The following WWP2 variants were observed in gnomAD, a reference collection of about 807,000 sequenced individuals.
WWP2 encodes WW domain containing E3 ubiquitin protein ligase 2.
A neutral mutation model predicts 121.0 loss-of-function variants in WWP2; 57 were observed. That is an observed-to-expected ratio of 0.47 (90% CI 0.38 to 0.59). WWP2 has a LOEUF of 0.59. Ranked by LOEUF, WWP2 falls within the 20% of genes least tolerant of loss-of-function variation. WWP2 has a pLI of 0.00. For missense variants in WWP2, 962 were observed against 1,158.9 expected (o/e 0.83, Z 2.47); for synonymous variants, 449 against 441.3 (o/e 1.02, Z -0.22).
chr16:69,883,983 A>C (rs1223140576), intron 7 of WWP2, among the ~76,000 whole-genome samples: 2 of 152,160 alleles, frequency 1.3e-5, no homozygotes, highest in Non-Finnish European at 2.9e-5. Flanking sequence ...GTTATATGTT[A>C]CTAAAACTTT....
At chr16:69,912,313 T>C (rs1282726722) in intron 9 of WWP2, among the ~76,000 whole-genome samples, 4 of 145,976 alleles carry the variant, frequency 2.7e-5, no homozygotes, top group South Asian at 2.2e-4. Flanking sequence ...AAACAAAACC[T>C]CATTGGTTTT....
intron 2 of WWP2, among the ~76,000 whole-genome samples, chr16:69,791,232 C>CT (rs1555546040): frequency 1.5e-3 from 222 of 145,316 alleles, no homozygotes; most frequent in Middle Eastern, 0.014. Context: ...TTTTTTCTTT[C>CT]TTTTTTTTTT....
chr16:69,832,543 A>C (rs1439560293), intron 4 of WWP2, among the ~76,000 whole-genome samples: 1 of 152,110 alleles, frequency 6.6e-6, no homozygotes, highest in Non-Finnish European at 1.5e-5. Context: ...ATTTTTAAAA[A>C]ATTTTTAATG....
intron 4 of WWP2, among the ~76,000 whole-genome samples, chr16:69,817,335 A>C (rs1160340798): frequency 6.6e-6 from 1 of 152,026 alleles, no homozygotes; most frequent in Non-Finnish European, 1.5e-5. Flanking sequence ...TGCAGCTTCA[A>C]CCTCCCAGGC....
At chr16:69,931,611 G>A (rs769827295) in intron 15 of WWP2, 31 bp downstream of exon 15, 19 of 1,613,572 alleles carry the variant, frequency 1.2e-5, no homozygotes, top group Non-Finnish European at 1.6e-5. Flanking sequence ...ACCAGTGGCA[G>A]GCCGACGCCC....
At chr16:69,804,053 T>G (rs1396298174) in intron 4 of WWP2, among the ~76,000 whole-genome samples, 1 of 152,050 alleles carries the variant, frequency 6.6e-6, no homozygotes, top group African/African-American at 2.4e-5. Flanking sequence ...TATATTGAAG[T>G]GTGCATTTTT....
Position 69,778,175 on chromosome 16 carries a change from T to TAA in WWP2, c.-15-8820_-15-8819insAA, listed in dbSNP as rs1194260823. On this transcript the variant is annotated intron_variant, in intron 1 of 23. Coordinates refer to ENST00000359154, the MANE Select transcript of WWP2 (RefSeq NM_001270454.2). ...CATACACACTCATACTATAAATAAA[T>TAA]ATATATATATATATATATTTTTTTT... Among the ~76,000 whole-genome samples, 15 of 99,488 alleles carry TAA rather than the reference T, an allele frequency of 1.5e-4. No individual in the cohort carries two copies. The East Asian group carries it at 4.1e-3, about 27-fold the overall frequency. 65.3% of individuals were successfully genotyped at this position (99,488 alleles called of 152,430 possible).
At chr16:69,909,123 T>C (rs2058344198) in intron 9 of WWP2, 1 of 1,132,416 alleles carries the variant, frequency 8.8e-7, no homozygotes, top group Non-Finnish European at 1.1e-6. Flanking sequence ...GCCCAGCCTG[T>C]CCCTAAAGGC....
intron 9 of WWP2, among the ~76,000 whole-genome samples, chr16:69,914,377 A>G (rs1344169433): frequency 6.6e-6 from 1 of 151,962 alleles, no homozygotes; most frequent in African/African-American, 2.4e-5. Flanking sequence ...TTCCAGAGGG[A>G]AAAAACAGAG....
At chr16:69,782,976 C>T (rs2055696187) in intron 1 of WWP2, 1 of 149,720 alleles carries the variant, frequency 6.7e-6, no homozygotes, top group Admixed American at 6.7e-5. Context: ...TCTCCTGTAA[C>T]TATATTTAAT....
chr16:69,779,489 G>A (rs1234834163), intron 1 of WWP2, among the ~76,000 whole-genome samples: 1 of 152,190 alleles, frequency 6.6e-6, no homozygotes, highest in African/African-American at 2.4e-5. Context: ...AGTTGCCTTT[G>A]TTCCTTCTGA....
In WWP2 at chr16:69,925,847, A is replaced by C; in HGVS notation, c.1234+363A>C. 4.9e-6 allele frequency: 1 copy of C among 205,382 alleles called. No individual in the cohort carries two copies. Among genetic ancestry groups the C allele is most frequent in the Non-Finnish European group, 9.7e-6 (1 of 103,348 alleles). The allele number at this position is 205,382 out of a possible 1,614,324, so 12.7% of individuals were successfully genotyped here. ...TATTTTGACACTGCCTAACTCCCAA[A>C]TGGATTTGTTTCAGATCTGTGACCG... On this transcript the variant is annotated intron_variant, in intron 11 of 23. Transcript: ENST00000359154. The surrounding 1 kb of genome is among the most constrained non-coding windows in gnomAD (Gnocchi z 4.0).
intron 21 of WWP2, 62 bp from the exon 22 acceptor site, chr16:69,938,965 G>T: frequency 4.7e-6 from 7 of 1,494,818 alleles, no homozygotes; most frequent in Non-Finnish European, 6.4e-6. Context: ...AGAGCTCCAC[G>T]TTCGGGCAAA....
At position 69,867,400 on chromosome 16, in the gene WWP2, A is replaced by G. The variant is rs1390246047; in HGVS notation, c.576-4404A>G. Among the ~76,000 whole-genome samples, 3 of 152,138 alleles carry G rather than the reference A, an allele frequency of 2.0e-5. No homozygotes were observed. In the East Asian group the frequency reaches 5.8e-4, roughly 29 times the overall value. The stretch of plus-strand genomic sequence containing the variant: ...TCCTTGAGGTCAGGGACTCTGTTTT[A>G]TCTCTAGAATGGGGCCTAACACTCA... On this transcript the variant is annotated intron_variant, in intron 6 of 23. Coordinates refer to ENST00000359154, the MANE Select transcript of WWP2 (RefSeq NM_001270454.2).
chr16:69,923,790 CGT>C (rs1450425488), intron 10 of WWP2, among the ~76,000 whole-genome samples: 3 of 152,180 alleles, frequency 2.0e-5, no homozygotes, highest in Non-Finnish European at 4.4e-5. Context: ...ATGTAGAATA[CGT>C]GTGTTTTCTC....
intron 6 of WWP2, among the ~76,000 whole-genome samples, chr16:69,855,658 G>A (rs2057296625): frequency 6.6e-6 from 1 of 152,236 alleles, no homozygotes; most frequent in Admixed American, 6.5e-5. Context: ...GGCAAGGAAT[G>A]TAACCATGAG....
At chr16:69,911,609 G>A (rs917295083) in intron 9 of WWP2, among the ~76,000 whole-genome samples, 2 of 152,134 alleles carry the variant, frequency 1.3e-5, no homozygotes, top group South Asian at 2.1e-4. Context: ...GGCTGACTGG[G>A]CCTCCAGTCA....
intron 7 of WWP2, among the ~76,000 whole-genome samples, chr16:69,873,142 C>G (rs2057672379): frequency 6.6e-6 from 1 of 152,160 alleles, no homozygotes; most frequent in African/African-American, 2.4e-5. Context: ...GCCAGGAGAC[C>G]CAGAGCAGCA....
In WWP2 at chr16:69,825,470, A is replaced by G. The variant is rs898864412; in HGVS notation, c.341-14656A>G. Among the ~76,000 whole-genome samples, 28 of 151,766 alleles carry G rather than the reference A, an allele frequency of 1.8e-4. No homozygotes were observed. The East Asian group carries it at 5.4e-3, about 29-fold the overall frequency. The stretch of plus-strand genomic sequence containing the variant: ...ACCAAAAAACTAAAGTGGCGATACC[A>G]TGGGAAAGGCTTTGGAATGTGTGCA... On this transcript the variant is annotated intron_variant, in intron 4 of 23. Transcript: ENST00000359154.
Sources: allele counts gnomAD v4.1 joint callset (sites outside exome capture counted in the v4.1 genomes callset), GRCh38; gene constraint gnomAD v4.1.1; non-coding constraint Gnocchi (gnomAD v3.1); transcripts MANE v1.5; gene names NCBI Gene and HGNC (gene_info 2026-07-23, HGNC 2026-07-21).